Variants in NECTIN3 observed in about 807,000 individuals in gnomAD.
NECTIN3 encodes nectin cell adhesion molecule 3, also known as nectin-3.
A neutral mutation model predicts 49.4 loss-of-function variants in NECTIN3; 8 were observed. The ratio of observed to expected loss-of-function variants is 0.16; its 90% confidence interval spans 0.10 to 0.29. NECTIN3 has a LOEUF of 0.29. NECTIN3 is among the 10% of genes least tolerant of loss of function. The pLI is 1.00. For synonymous variants in NECTIN3, 277 were observed against 241.1 expected (o/e 1.15, Z -1.38); for missense variants, 581 against 654.6 (o/e 0.89, Z 1.23).
At chr3:111,127,567 T>C (rs1185491737) in intron 5 of NECTIN3, among the ~76,000 whole-genome samples, 1 of 151,674 alleles carries the variant, frequency 6.6e-6, no homozygotes, top group African/African-American at 2.4e-5. Flanking sequence ...AAATCTGTAT[T>C]TTTTTTTCTT....
chr3:111,139,924 T>C (rs184818112), downstream of NECTIN3, among the ~76,000 whole-genome samples: 26 of 152,000 alleles, frequency 1.7e-4, no homozygotes, highest in South Asian at 4.1e-4. Context: ...GGAAACAATA[T>C]GATTGCATTT....
intron 1 of NECTIN3, among the ~76,000 whole-genome samples, chr3:111,081,307 A>G (rs2031589240): frequency 6.6e-6 from 1 of 152,204 alleles, no homozygotes; most frequent in South Asian, 2.1e-4. Flanking sequence ...ACAAAACAAA[A>G]CAACAAGAAA....
chr3:111,080,704 A>T (rs902365752), intron 1 of NECTIN3, among the ~76,000 whole-genome samples: 7 of 149,784 alleles, frequency 4.7e-5, no homozygotes, highest in African/African-American at 1.7e-4. Context: ...GGACTTAGAG[A>T]TTTGAACAAG....
chr3:111,090,458 G>A (rs1048920376), intron 1 of NECTIN3, among the ~76,000 whole-genome samples: 1 of 151,830 alleles, frequency 6.6e-6, no homozygotes, highest in Admixed American at 6.6e-5. Context: ...ACTTATTAAA[G>A]TCATATTAAT....
At chr3:111,191,444 C>T (rs1033492990), upstream of NECTIN3, among the ~76,000 whole-genome samples, 1 of 152,110 alleles carries the variant, frequency 6.6e-6, no homozygotes, top group Non-Finnish European at 1.5e-5. Flanking sequence ...GTGGCCATCT[C>T]TGCTCGAGGG....
At chr3:111,101,301 A>T (rs1303048046) in intron 1 of NECTIN3, among the ~76,000 whole-genome samples, 1 of 152,128 alleles carries the variant, frequency 6.6e-6, no homozygotes, top group Non-Finnish European at 1.5e-5. Context: ...TAGATGATGA[A>T]AACCCCATTT....
At chr3:111,110,633 A>G (rs1030833521) in intron 1 of NECTIN3, among the ~76,000 whole-genome samples, 48 of 152,028 alleles carry the variant, frequency 3.2e-4, no homozygotes, top group Non-Finnish European at 6.2e-4. Flanking sequence ...TTCACATTTC[A>G]TATATCTTGG....
intron 7 of NECTIN3, among the ~76,000 whole-genome samples, chr3:111,169,367 A>C (rs1245123414): frequency 6.9e-6 from 1 of 145,520 alleles, no homozygotes; most frequent in East Asian, 2.0e-4. Flanking sequence ...TGGGATTACA[A>C]ACGCAAACTT....
At chr3:111,130,620 T>C (rs1189681832) in intron 5 of NECTIN3, among the ~76,000 whole-genome samples, 1 of 152,124 alleles carries the variant, frequency 6.6e-6, no homozygotes, top group African/African-American at 2.4e-5. Flanking sequence ...AGATGAAAAG[T>C]TCTGCTCAGA....
At position 111,193,336 on chromosome 3, in the gene NECTIN3, A is replaced by G; in HGVS notation, c.63+923A>G. Reference sequence around the variant, plus strand: ...CCTGGCAAACATCATCAAAATAACGACCCTAAGAGAGTCTACATCGACCCA... The same window carrying G: ...CCTGGCAAACATCATCAAAATAACGGCCCTAAGAGAGTCTACATCGACCCA... On this transcript the variant is annotated intron_variant, in intron 1 of 1. Coordinates refer to the NECTIN3 transcript ENST00000485506. 2.0e-6 allele frequency: 3 copies of G among 1,535,808 alleles called. No individual in the cohort carries two copies. The South Asian group carries it at 3.6e-5, about 18-fold the overall frequency.
chr3:111,114,354 G>A (rs185205479), intron 2 of NECTIN3, among the ~76,000 whole-genome samples: 363 of 151,942 alleles, frequency 2.4e-3, no homozygotes, highest in African/African-American at 8.3e-3. Context: ...CATCCTTTTA[G>A]TAGCCATTCT....
chr3:111,165,162 G>T (rs1333519308), intron 7 of NECTIN3, among the ~76,000 whole-genome samples: 1 of 151,912 alleles, frequency 6.6e-6, no homozygotes, highest in Non-Finnish European at 1.5e-5. Context: ...TCCTGCCTCA[G>T]CCTCCCGAGT....
At chr3:111,177,775 T>A (rs753739471) in intron 7 of NECTIN3, among the ~76,000 whole-genome samples, 2 of 152,212 alleles carry the variant, frequency 1.3e-5, no homozygotes, top group African/African-American at 4.8e-5. Context: ...TGTTAAAATG[T>A]GTAGGCATTT....
At chr3:111,161,301 G>A (rs1298178648) in intron 7 of NECTIN3, among the ~76,000 whole-genome samples, 1 of 152,138 alleles carries the variant, frequency 6.6e-6, no homozygotes, top group Non-Finnish European at 1.5e-5. Context: ...CTTGGCCTTT[G>A]TCACCACAAA....
intron 1 of NECTIN3, among the ~76,000 whole-genome samples, chr3:111,086,448 A>G (rs982369103): frequency 1.3e-5 from 2 of 152,182 alleles, no homozygotes; most frequent in Non-Finnish European, 2.9e-5. Flanking sequence ...TTGTGATTAT[A>G]TAAGATAGGG....
At chr3:111,174,521 A>G (rs958464997) in intron 7 of NECTIN3, among the ~76,000 whole-genome samples, 3 of 152,128 alleles carry the variant, frequency 2.0e-5, no homozygotes, top group Admixed American at 1.3e-4. Context: ...ATTCCAAAAC[A>G]CATCTGGTCC....
chr3:111,073,824 A>T lies in NECTIN3; in HGVS notation c.160+1647A>T, dbSNP rs185354873. Among the ~76,000 whole-genome samples the T allele has an allele frequency of 1.2e-3, 183 of 152,344 alleles. 2 individuals are homozygous for T. Among genetic ancestry groups the T allele is most frequent in the African/African-American group, 3.4e-3 (141 of 41,582 alleles). ...AATATGCATAGCTGATGCAGGAATT[A>T]TTTACATGATAATTTCTTAGTGGTT... On this transcript the variant is annotated intron_variant, in intron 1 of 5. Transcript: ENST00000485303.
chr3:111,096,206 A>G lies in NECTIN3; in HGVS notation c.161-15824A>G, dbSNP rs2032575366. 1.3e-5 allele frequency among the ~76,000 whole-genome samples: 2 copies of G among 152,174 alleles called. 1 individual carries two copies. The highest frequency in any genetic ancestry group is 4.1e-4 in the South Asian group (2 of 4,830). On this transcript the variant is annotated intron_variant, in intron 1 of 5. Coordinates refer to ENST00000485303, the MANE Select transcript of NECTIN3 (RefSeq NM_015480.3). ...AACTGGAGCAAAGGTGACTCTTGTC[A>G]TGTTTCTGCAAAGAGTCTGGTGGCA...
chr3:111,082,555 A>G (rs923260874), intron 1 of NECTIN3, among the ~76,000 whole-genome samples: 1 of 152,182 alleles, frequency 6.6e-6, no homozygotes, highest in Non-Finnish European at 1.5e-5. Flanking sequence ...TAGTAGAGGT[A>G]AGGGCATTCG....
Sources: gnomAD v4.1 joint callset for allele counts (sites outside exome capture counted in the v4.1 genomes callset) on GRCh38, gnomAD v4.1.1 for gene constraint, MANE v1.5 for transcripts, NCBI Gene and HGNC (gene_info 2026-07-23, HGNC 2026-07-21) for gene names.